Variants in ROBO1 observed in about 807,000 individuals in gnomAD.
The protein encoded by ROBO1 is roundabout homolog 1.
Under a neutral mutation model 195.9 loss-of-function variants are expected in ROBO1, and 149 were observed. The ratio of observed to expected loss-of-function variants is 0.76; its 90% CI spans 0.67 to 0.87. ROBO1 has a LOEUF of 0.87. ROBO1 is among the 40% of genes least tolerant of loss of function. ROBO1 has a pLI of 0.00. For missense variants in ROBO1, 1,933 were observed against 2,068.3 expected (o/e 0.93, Z 1.27); for synonymous variants, 816 against 733.2 (o/e 1.11, Z -1.82).
chr3:79,292,249 T>G (rs1423358979), intron 2 of ROBO1, among the ~76,000 whole-genome samples: 1 of 152,246 alleles, frequency 6.6e-6, no homozygotes, highest in Non-Finnish European at 1.5e-5. Flanking sequence ...TTTGCTGAAG[T>G]TGCTTATCAG....
chr3:79,610,356 T>G (rs531110456), intron 1 of ROBO1, among the ~76,000 whole-genome samples: 1 of 107,542 alleles, frequency 9.3e-6, no homozygotes, highest in African/African-American at 2.7e-5. Context: ...TAAGTGAACG[T>G]GGGCTCCCTT....
chr3:79,063,926 C>G (rs1351489216), intron 3 of ROBO1, among the ~76,000 whole-genome samples: 1 of 151,746 alleles, frequency 6.6e-6, no homozygotes, highest in Non-Finnish European at 1.5e-5. Flanking sequence ...TAGAGGCCAC[C>G]AGAGGCTGGG....
At chr3:79,612,799 C>G (rs1354783885) in intron 1 of ROBO1, among the ~76,000 whole-genome samples, 2 of 151,392 alleles carry the variant, frequency 1.3e-5, no homozygotes, top group Non-Finnish European at 3.0e-5. Flanking sequence ...AGCATTTTTT[C>G]ATGTGTTTTT....
At chr3:78,705,315 C>A (rs1024016622) in intron 8 of ROBO1, among the ~76,000 whole-genome samples, 3 of 152,166 alleles carry the variant, frequency 2.0e-5, no homozygotes, top group Non-Finnish European at 4.4e-5. Context: ...ACAGTAACAA[C>A]AACTGTATTT....
intron 2 of ROBO1, among the ~76,000 whole-genome samples, chr3:79,325,868 G>T (rs921561496): frequency 1.4e-4 from 22 of 152,154 alleles, no homozygotes; most frequent in African/African-American, 4.8e-4. Flanking sequence ...CCGGTGAGCT[G>T]GGCGGAACAG....
At chr3:79,165,434 A>G (rs925869597) in intron 2 of ROBO1, among the ~76,000 whole-genome samples, 1 of 152,218 alleles carries the variant, frequency 6.6e-6, no homozygotes, top group Admixed American at 6.5e-5. Flanking sequence ...GTGCTGAGTG[A>G]ACTCAGTATC....
chr3:78,849,855 C>A (rs1259342213), intron 4 of ROBO1, among the ~76,000 whole-genome samples: 1 of 151,326 alleles, frequency 6.6e-6, no homozygotes, highest in African/African-American at 2.4e-5. Context: ...CACACACACA[C>A]ACACACACAC....
chr3:79,270,179 TTCTCTCTCTCTC>T (rs138141200), intron 2 of ROBO1, among the ~76,000 whole-genome samples: 1,667 of 140,782 alleles, frequency 0.012, 9 homozygotes, highest in Non-Finnish European at 0.018. Flanking sequence ...ATACATAATG[TTCTCTCTCTCTC>T]TCTCTCTCTC....
chr3:79,328,145 T>C (rs530378948), intron 2 of ROBO1, among the ~76,000 whole-genome samples: 4 of 152,312 alleles, frequency 2.6e-5, no homozygotes, highest in African/African-American at 9.6e-5. Flanking sequence ...TTTTTAATAA[T>C]ATGAAAGTTA....
rs148422588 is a variant in ROBO1 at position 79,738,549 on chromosome 3, G to A, written c.-51+29203C>T. Among the ~76,000 whole-genome samples the A allele has an allele frequency of 3.6e-3, 541 of 152,212 alleles. 3 individuals carry two copies. Among genetic ancestry groups the A allele is most frequent in the East Asian group, 9.1e-3 (47 of 5,186 alleles). ...TGACACTCATAGAAAAAAGTTATTC[G>A]TGTGAGAACTGCAATCATTTTCTTT... On this transcript the variant is annotated intron_variant, in intron 1 of 30. Transcript: ENST00000464233.
At chr3:79,494,334 G>T (rs1939618266) in intron 2 of ROBO1, among the ~76,000 whole-genome samples, 1 of 152,036 alleles carries the variant, frequency 6.6e-6, no homozygotes, top group East Asian at 1.9e-4. Context: ...TCATGTAAAG[G>T]TTATATATCA....
chr3:78,875,446 T>C (rs2035785222), intron 4 of ROBO1, among the ~76,000 whole-genome samples: 1 of 151,962 alleles, frequency 6.6e-6, no homozygotes, highest in African/African-American at 2.4e-5. Flanking sequence ...GATCGTGACA[T>C]TATATAAATG....
intron 3 of ROBO1, among the ~76,000 whole-genome samples, chr3:78,963,557 C>T (rs1476894858): frequency 2.7e-5 from 3 of 110,576 alleles, no homozygotes; most frequent in East Asian, 3.2e-4. Flanking sequence ...CTCGCTCTGT[C>T]GCCCAGGCTG....
intron 3 of ROBO1, among the ~76,000 whole-genome samples, chr3:79,049,156 G>T (rs1258525344): frequency 6.6e-6 from 1 of 152,092 alleles, no homozygotes; most frequent in African/African-American, 2.4e-5. Flanking sequence ...CTTGAAAAAG[G>T]TTAGATGAAT....
intron 19 of ROBO1, among the ~76,000 whole-genome samples, chr3:78,648,858 G>A (rs1302989781): frequency 2.0e-5 from 3 of 151,890 alleles, no homozygotes; most frequent in African/African-American, 7.3e-5. Flanking sequence ...CTGTAGAATC[G>A]GAGCATTTGG....
chr3:79,734,013 T>C (rs1703269711), intron 1 of ROBO1, among the ~76,000 whole-genome samples: 2 of 151,510 alleles, frequency 1.3e-5, no homozygotes, highest in Admixed American at 6.6e-5. Flanking sequence ...AATGGTGCGA[T>C]CTGGTCTCAC....
At chr3:79,596,597 A>G (rs1465946564) in intron 1 of ROBO1, among the ~76,000 whole-genome samples, 1 of 152,112 alleles carries the variant, frequency 6.6e-6, no homozygotes, top group Non-Finnish European at 1.5e-5. Context: ...TGTATGATGT[A>G]TTAATTATTA....
At chr3:78,800,073 A>C (rs531504921) in intron 4 of ROBO1, among the ~76,000 whole-genome samples, 1 of 152,328 alleles carries the variant, frequency 6.6e-6, no homozygotes, top group African/African-American at 2.4e-5. Flanking sequence ...TGCTCACAGT[A>C]AAAATGTGCT....
At chr3:79,452,204 C>T (rs1184813607) in intron 2 of ROBO1, among the ~76,000 whole-genome samples, 2 of 152,052 alleles carry the variant, frequency 1.3e-5, no homozygotes, top group Admixed American at 1.3e-4. Context: ...AACCTATAAT[C>T]ATCTCACTAT....
Sources: gnomAD v4.1 joint callset for allele counts (sites outside exome capture counted in the v4.1 genomes callset) on GRCh38, gnomAD v4.1.1 for gene constraint, MANE v1.5 for transcripts, NCBI Gene and HGNC (gene_info 2026-07-23, HGNC 2026-07-21) for gene names.